Variants in PGGT1B observed in about 807,000 individuals in gnomAD.
PGGT1B encodes geranylgeranyl transferase type-1 subunit beta.
Under a neutral mutation model 46.1 loss-of-function variants are expected in PGGT1B, and 30 were observed. That is an observed-to-expected ratio of 0.65 (90% CI 0.49 to 0.88). The LOEUF is 0.88. Among genes scored for constraint, PGGT1B ranks in the 40% least tolerant of loss-of-function variants. The probability of loss-of-function intolerance (pLI) is 0.00; values close to 1 mark genes in which losing one functional copy is unlikely to be tolerated. For synonymous variants in PGGT1B, 170 were observed against 160.0 expected (o/e 1.06, Z -0.47); for missense variants, 376 against 455.9 (o/e 0.82, Z 1.60).
At chr5:115,229,753 TA>T (rs980955616) in intron 6 of PGGT1B, among the ~76,000 whole-genome samples, 3 of 152,170 alleles carry the variant, frequency 2.0e-5, no homozygotes, top group African/African-American at 7.2e-5. Flanking sequence ...TGTACAACTA[TA>T]ACTATATCCC....
chr5:115,223,176 G>A (rs1756641311), intron 6 of PGGT1B, among the ~76,000 whole-genome samples: 1 of 152,002 alleles, frequency 6.6e-6, no homozygotes, highest in Admixed American at 6.6e-5. Flanking sequence ...GTAGGAAAGA[G>A]GGAAACCAAA....
At chr5:115,223,289 G>A (rs1756644860) in intron 6 of PGGT1B, among the ~76,000 whole-genome samples, 1 of 152,046 alleles carries the variant, frequency 6.6e-6, no homozygotes, top group Admixed American at 6.6e-5. Context: ...TGGAACCTGT[G>A]AATGTTACTT....
chr5:115,261,640 T>A (rs2127039842), intron 1 of PGGT1B, among the ~76,000 whole-genome samples: 1 of 152,316 alleles, frequency 6.6e-6, no homozygotes, highest in East Asian at 1.9e-4. Flanking sequence ...GACGAAAATG[T>A]TACCTTTGTG....
At chr5:115,255,660 G>A (rs568004249) in intron 1 of PGGT1B, among the ~76,000 whole-genome samples, 1 of 152,112 alleles carries the variant, frequency 6.6e-6, no homozygotes, top group African/African-American at 2.4e-5. Flanking sequence ...AGATCTTCCT[G>A]TCAGTAAAAG....
intron 1 of PGGT1B, among the ~76,000 whole-genome samples, chr5:115,259,657 C>T (rs188222781): frequency 7.2e-6 from 1 of 139,662 alleles, no homozygotes; most frequent in African/African-American, 2.8e-5. Context: ...CCACCGCACT[C>T]CAGCCTGGTG....
intron 3 of PGGT1B, among the ~76,000 whole-genome samples, chr5:115,240,761 C>T (rs1757323288): frequency 6.6e-6 from 1 of 152,228 alleles, no homozygotes; most frequent in Admixed American, 6.5e-5. Context: ...CTCAGCCCAA[C>T]AAGATACTGG....
intron 1 of PGGT1B, among the ~76,000 whole-genome samples, chr5:115,258,597 C>T (rs1748423072): frequency 6.6e-6 from 1 of 152,184 alleles, no homozygotes; most frequent in Non-Finnish European, 1.5e-5. Context: ...TCAACACTCA[C>T]TTCTCCAGCT....
chr5:115,225,514 T>A (rs1163374055), intron 6 of PGGT1B, among the ~76,000 whole-genome samples: 2 of 152,208 alleles, frequency 1.3e-5, no homozygotes, highest in African/African-American at 4.8e-5. Flanking sequence ...TATACTAAGT[T>A]ATCAGAAAGA....
chr5:115,226,895 G>A lies in PGGT1B; in HGVS notation c.658+4081C>T, dbSNP rs528416004. Among the ~76,000 whole-genome samples the A allele has an allele frequency of 2.6e-5, 4 of 152,070 alleles. No homozygotes were observed. The South Asian group carries it at 8.3e-4, about 32-fold the overall frequency. ...GGTGACACTTGAACCCCTGGAAACA[G>A]GTATAGAAAGATAGATTAAACTCTG... On this transcript the variant is annotated intron_variant, in intron 6 of 8. Coordinates refer to ENST00000419445, the MANE Select transcript of PGGT1B (RefSeq NM_005023.4).
rs568472342 is a variant in PGGT1B, at chr5:115,219,789, T to C, written c.843+2035A>G. 4.6e-5 allele frequency among the ~76,000 whole-genome samples: 7 copies of C among 151,886 alleles called. No homozygotes were observed. In the South Asian group the frequency reaches 1.4e-3, roughly 31 times the overall value. ...AATAGGCAAAGGGTTTGAATAGATA[T>C]ATCTCCCAAGAAGATATACAAATGA... is the stretch of plus-strand genomic sequence containing the variant. On this transcript the variant is annotated intron_variant, in intron 7 of 8. Transcript: ENST00000419445.
intron 3 of PGGT1B, among the ~76,000 whole-genome samples, chr5:115,238,291 ATTTTTTT>A (rs35711954): frequency 2.6e-4 from 12 of 46,964 alleles, no homozygotes; most frequent in South Asian, 1.3e-3. Context: ...ATTTTTTTGG[ATTTTTTT>A]TTTTTTTTTT....
intron 5 of PGGT1B, among the ~76,000 whole-genome samples, chr5:115,233,545 G>GAAAAAAAAAAAAGA (rs1757064537): frequency 7.6e-6 from 1 of 131,868 alleles, no homozygotes; most frequent in Non-Finnish European, 1.6e-5. Flanking sequence ...AAAAAAGAAG[G>GAAAAAAAAAAAAGA]AAAAAAAAAA....
rs1483735806 is a variant in PGGT1B, at chr5:115,208,197, G to T, written c.*4205C>A. On this transcript the variant is annotated 3_prime_UTR_variant, in exon 9 of 9. Coordinates refer to ENST00000419445, the MANE Select transcript of PGGT1B (RefSeq NM_005023.4). ...TTGGTACCATCTTTGTCAGGTTTTT[G>T]AATCAATGCTATTACATTCATTTTA... 6.6e-6 allele frequency: 1 copy of T among 151,776 alleles called. No homozygotes were observed. The highest frequency in any genetic ancestry group is 1.5e-5 in the Non-Finnish European group (1 of 67,894). 9.4% of individuals were successfully genotyped at this position (151,776 alleles called of 1,614,324 possible). A position where few individuals can be genotyped will look rare whatever the true frequency, so the allele number is the denominator to read the frequency against.
intron 2 of PGGT1B, among the ~76,000 whole-genome samples, chr5:115,248,505 T>G (rs904765396): frequency 2.6e-5 from 4 of 152,202 alleles, no homozygotes; most frequent in Non-Finnish European, 5.9e-5. Flanking sequence ...ATTCCCAACC[T>G]GACCCATTGT....
chr5:115,212,971 GT>G (rs923492557), intron 8 of PGGT1B, among the ~76,000 whole-genome samples: 4 of 151,374 alleles, frequency 2.6e-5, no homozygotes, highest in African/African-American at 7.3e-5. Flanking sequence ...ATATCATTAA[GT>G]TTTTTTTTCT....
At chr5:115,247,817 T>C (rs575715587) in intron 2 of PGGT1B, among the ~76,000 whole-genome samples, 10 of 152,300 alleles carry the variant, frequency 6.6e-5, no homozygotes, top group Non-Finnish European at 1.5e-4. Flanking sequence ...CTCAACAAGA[T>C]AGCAAATTGA....
intron 6 of PGGT1B, 105 bp downstream of exon 6, chr5:115,230,871 A>T (rs1756956950): frequency 1.4e-6 from 1 of 720,192 alleles, no homozygotes; most frequent in Non-Finnish European, 2.5e-6. Flanking sequence ...ATTATGCTGC[A>T]CCAAGGGTTG....
Position 115,208,431 on chromosome 5 carries a change from TA to T in PGGT1B, c.*3970del, listed in dbSNP as rs1756127088. ...TTTTAACTATTTGTTTCTTCTACGG[TA>T]ATTGGTTTGTTGTGACTTTATCTAC... On this transcript the variant is annotated 3_prime_UTR_variant, in exon 9 of 9. Coordinates refer to ENST00000419445, the MANE Select transcript of PGGT1B (RefSeq NM_005023.4). The T allele has an allele frequency of 1.3e-5, 2 of 152,040 alleles. No homozygotes were observed. Among genetic ancestry groups the T allele is most frequent in the Non-Finnish European group, 1.5e-5 (1 of 67,954 alleles). The allele number at this position is 152,040 out of a possible 1,614,324, so 9.4% of individuals were successfully genotyped here. A position where few individuals can be genotyped will look rare whatever the true frequency, so the allele number is the denominator to read the frequency against.
At chr5:115,249,389 A>G (rs1038097199) in intron 2 of PGGT1B, among the ~76,000 whole-genome samples, 43 of 152,272 alleles carry the variant, frequency 2.8e-4, no homozygotes, top group African/African-American at 9.4e-4. Context: ...GTGAGCACAC[A>G]CTTGGACAAG....
Sources: gnomAD v4.1 joint callset for allele counts (sites outside exome capture counted in the v4.1 genomes callset) on GRCh38, gnomAD v4.1.1 for gene constraint, MANE v1.5 for transcripts, NCBI Gene and HGNC (gene_info 2026-07-23, HGNC 2026-07-21) for gene names.